PKN3: variants seen among roughly 807,000 people sequenced by gnomAD.
PKN3 encodes protein kinase N3.
A neutral mutation model predicts 113.1 loss-of-function variants in PKN3; 91 were observed. That is an observed-to-expected ratio of 0.80 (90% CI 0.68 to 0.96). The LOEUF (loss-of-function observed/expected upper bound fraction) is 0.96, where lower values mean the gene tolerates loss of function less well. Among genes scored for constraint, PKN3 ranks in the 40% least tolerant of loss-of-function variants. The probability of loss-of-function intolerance (pLI) is 0.00; values close to 1 mark genes in which losing one functional copy is unlikely to be tolerated. For synonymous variants in PKN3, 467 were observed against 499.0 expected, an observed-to-expected ratio of 0.94 and a Z score of 0.85; for missense variants, 1,052 against 1,202.2, an observed-to-expected ratio of 0.88 and a Z score of 1.85.
intron 1 of PKN3, chr9:128,704,097 C>A: frequency 1.0e-6 from 1 of 985,346 alleles, no homozygotes; most frequent in Non-Finnish European, 1.2e-6. Context: ...CGGCCCCTTC[C>A]ACTGGGCTCA....
rs547767121 is a variant in PKN3, at chr9:128,720,232, C to T, written c.2406C>T (p.Leu802=). ...KLLQKCPEKR[L]GAGEQDAEEI... ...TCCAGAAGTGCCCGGAGAAGCGCCT[C>T]GGGGCAGGTGAGCAGGATGCCGAGG... is the stretch of plus-strand genomic sequence containing the variant. The change falls in exon 21 of 22, where the codon CTC becomes CTT. Residue 802 remains leucine (L), a synonymous_variant. Coordinates refer to ENST00000291906, the MANE Select transcript of PKN3 (RefSeq NM_013355.5). The surrounding 1 kb of genome is among the most constrained non-coding windows in gnomAD (Gnocchi z 5.5). 3.1e-6 allele frequency: 5 copies of T among 1,613,886 alleles called. No homozygotes were observed. Among genetic ancestry groups the T allele is most frequent in the East Asian group, 2.2e-5 (1 of 44,872 alleles).
At chr9:128,704,803 A>G (rs1861958058) in intron 1 of PKN3, among the ~76,000 whole-genome samples, 1 of 151,978 alleles carries the variant, frequency 6.6e-6, no homozygotes, top group South Asian at 2.1e-4. Context: ...CTGTAATCCC[A>G]GCTACTCAGG....
At chr9:128,716,722 C>G (rs568154092) in intron 15 of PKN3, 25 bp from the exon 16 acceptor site, 1 of 1,606,816 alleles carries the variant, frequency 6.2e-7, no homozygotes, top group Non-Finnish European at 8.5e-7. Context: ...TTCCTTCCCT[C>G]TAATACTCTT....
intron 15 of PKN3, among the ~76,000 whole-genome samples, chr9:128,716,002 TAAA>T (rs1276218034): frequency 8.6e-6 from 1 of 115,870 alleles, no homozygotes. Context: ...AAAAACTAAT[TAAA>T]AAAAAAAAAA....
chr9:128,702,873 C>G lies in PKN3; in HGVS notation c.-43C>G. 4 of 1,429,124 alleles carry G rather than the reference C, an allele frequency of 2.8e-6. No homozygotes were observed. Among genetic ancestry groups the G allele is most frequent in the Non-Finnish European group, 3.8e-6 (4 of 1,063,410 alleles). 88.5% of individuals were successfully genotyped at this position (1,429,124 alleles called of 1,614,324 possible). A position where few individuals can be genotyped will look rare whatever the true frequency, so the allele number is the denominator to read the frequency against. Reference sequence around the variant, plus strand: ...GCGGAGGGTCTGCGGCTTCCGGGACCGGAGTGGCTGAGAGAAGGGCCCCAA... The same window carrying G: ...GCGGAGGGTCTGCGGCTTCCGGGACGGGAGTGGCTGAGAGAAGGGCCCCAA... On this transcript the variant is annotated 5_prime_UTR_variant, in exon 1 of 22. Coordinates refer to ENST00000291906, the MANE Select transcript of PKN3 (RefSeq NM_013355.5).
Position 128,705,518 on chromosome 9 carries a change from G to A in PKN3, c.240G>A (p.Leu80=), listed in dbSNP as rs1238607864. Residue 80 remains leucine (L), a synonymous_variant, in exon 2 of 22, where the codon CTG becomes CTA. Coordinates refer to ENST00000291906, the MANE Select transcript of PKN3 (RefSeq NM_013355.5). The stretch of plus-strand genomic sequence containing the variant: ...GGGAGCTGCACGCCCGAATCCTGCT[G>A]CCCGGCCCTGGGCCTGGCCCAGCTG... ...ELRELHARIL[L]PGPGPGPAEP... 2 of 1,557,048 alleles carry A rather than the reference G, an allele frequency of 1.3e-6. No individual in the cohort carries two copies. The highest frequency in any genetic ancestry group is 3.9e-5 in the Admixed American group (2 of 51,670).
chr9:128,706,560 C>G (rs989973063), intron 3 of PKN3, among the ~76,000 whole-genome samples, 153 bp from the exon 4 acceptor site: 7 of 152,206 alleles, frequency 4.6e-5, no homozygotes, highest in African/African-American at 1.7e-4. Context: ...GACCCACCAA[C>G]TAGTCCAACA....
Position 128,706,713 on chromosome 9 carries a change from G to T in PKN3, c.412G>T (p.Glu138Ter). ...ATGGGCCTGTGCTATGGCTCCATAG[G>T]AGAGGAAGCTCCTGGCAGCTGCCCA... Reference protein sequence around the residue: ...THTCASGTPKERKLLAAAQQM... With the variant: ...THTCASGTPK Residue 138 changes from glutamate (E) to a stop codon, truncating the protein, a stop_gained and splice_region_variant, in exon 4 of 22, where the codon GAG becomes TAG. Coordinates refer to ENST00000291906, the MANE Select transcript of PKN3 (RefSeq NM_013355.5). LOFTEE classifies it high-confidence loss of function. The T allele has an allele frequency of 1.3e-6, 2 of 1,566,714 alleles. No individual in the cohort carries two copies. The highest frequency in any genetic ancestry group is 2.4e-5 in the South Asian group (2 of 84,022).
intron 1 of PKN3, chr9:128,703,373 T>C: frequency 1.0e-6 from 1 of 985,340 alleles, no homozygotes; most frequent in Non-Finnish European, 1.2e-6. Flanking sequence ...TGTGCGCGCT[T>C]GGCAGTGGCA....
chr9:128,719,027 C>CT (rs887663417), intron 18 of PKN3, among the ~76,000 whole-genome samples: 1 of 151,764 alleles, frequency 6.6e-6, no homozygotes, highest in African/African-American at 2.4e-5. Context: ...GCCCAAGTAG[C>CT]TGGGACTACA....
Position 128,715,493 on chromosome 9 carries a change from G to T in PKN3, c.1808+33G>T, listed in dbSNP as rs1862313637. On this transcript the variant is annotated intron_variant, in intron 15 of 21. Coordinates refer to ENST00000291906, the MANE Select transcript of PKN3 (RefSeq NM_013355.5). This position sits in a 1 kb window ranked among gnomAD's most constrained non-coding sequence, Gnocchi z 4.1. The stretch of plus-strand genomic sequence containing the variant: ...GGGGTGCCGCAGGGCACCCAGGATG[G>T]CTGGCCTGGGCTGTGGCATCCAGAG... The T allele has an allele frequency of 6.5e-7, 1 of 1,540,154 alleles. No homozygotes were observed. Among genetic ancestry groups the T allele is most frequent in the Non-Finnish European group, 9.0e-7 (1 of 1,114,208 alleles).
At position 128,719,802 on chromosome 9, in the gene PKN3, C is replaced by A. The variant is rs751482393; in HGVS notation, c.2242C>A (p.Leu748Met). Residue 748 changes from leucine (L) to methionine (M), a missense_variant, in exon 19 of 22, where the codon CTG (leucine) becomes ATG (methionine). Physicochemically the swap from Leu to Met is conservative, Grantham distance 15. Coordinates refer to ENST00000291906, the MANE Select transcript of PKN3 (RefSeq NM_013355.5). ...RAVDWWGLGV[L>M]LYEMLVGECP... is the part of the protein sequence containing the mutation. Reference sequence around the variant, plus strand: ...TGTGGACTGGTGGGGGCTGGGTGTGCTGCTCTACGAGATGCTGGTGGGTGA... The same window carrying A: ...TGTGGACTGGTGGGGGCTGGGTGTGATGCTCTACGAGATGCTGGTGGGTGA... 1 of 1,605,866 alleles carries A rather than the reference C, an allele frequency of 6.2e-7. No homozygotes were observed. Among genetic ancestry groups the A allele is most frequent in the African/African-American group, 1.3e-5 (1 of 74,406 alleles).
intron 6 of PKN3, among the ~76,000 whole-genome samples, chr9:128,708,368 A>G (rs193030477): frequency 6.6e-6 from 1 of 152,176 alleles, no homozygotes; most frequent in Admixed American, 6.6e-5. Flanking sequence ...GTAACAGGGC[A>G]AGACTCCATC....
In PKN3 at chr9:128,720,548, G is replaced by A. The variant is rs373837557; in HGVS notation, c.2612G>A (p.Arg871His). The A allele has an allele frequency of 3.3e-5, 53 of 1,613,362 alleles. No individual in the cohort carries two copies. Among genetic ancestry groups the A allele is most frequent in the Middle Eastern group, 1.6e-4 (1 of 6,084 alleles). Residue 871 changes from arginine to histidine, a missense_variant, in exon 22 of 22, where the codon CGC becomes CAC. This residue lies in a region of PKN3 where 333 missense variants were observed against 442.8 expected (regional missense o/e 0.75). Transcript: ENST00000291906. This position sits in a 1 kb window ranked among gnomAD's most constrained non-coding sequence, Gnocchi z 5.5. ...GCACCCCACAGCCTCCTCACTGCCC[G>A]CCAACAGGCCGCCTTCCGGGACTTC... The part of the protein sequence containing the change: ...PPAPHSLLTA[R>H]QQAAFRDFDF...
rs778625869 is a variant in PKN3 at position 128,720,566 on chromosome 9, G to C, written c.2630G>C (p.Arg877Pro). The C allele has an allele frequency of 6.2e-7, 1 of 1,613,292 alleles. No individual in the cohort carries two copies. The highest frequency in any genetic ancestry group is 1.3e-5 in the African/African-American group (1 of 74,930). Residue 877 changes from arginine (R) to proline (P), a missense_variant, in exon 22 of 22, where the codon CGG becomes CCG. Arg to Pro is a moderately radical substitution (Grantham distance 103, BLOSUM62 -2). Around this residue, in one of 2 missense-constraint regions of PKN3, gnomAD observed 333 missense variants for 442.8 expected, o/e 0.75. Transcript: ENST00000291906. This position sits in a 1 kb window ranked among gnomAD's most constrained non-coding sequence, Gnocchi z 5.5. ...LLTARQQAAF[R>P]DFDFVSERFL... ...ACTGCCCGCCAACAGGCCGCCTTCC[G>C]GGACTTCGACTTTGTGTCAGAGCGA...
At chr9:128,707,513 C>G in intron 6 of PKN3, 108 bp downstream of exon 6, 1 of 904,606 alleles carries the variant, frequency 1.1e-6, no homozygotes, top group East Asian at 2.7e-5. Context: ...TGCCCCAGCA[C>G]CCACTAGCAG....
At chr9:128,704,298 G>A (rs919887126) in intron 1 of PKN3, among the ~76,000 whole-genome samples, 102 of 152,116 alleles carry the variant, frequency 6.7e-4, no homozygotes, top group African/African-American at 2.3e-3. Context: ...ACTTCCTCCC[G>A]GGAGCTGAGC....
rs1199495948 is a variant in PKN3, at chr9:128,702,885, G to T, written c.-31G>T. On this transcript the variant is annotated 5_prime_UTR_variant, in exon 1 of 22. Transcript: ENST00000291906. ...CGGCTTCCGGGACCGGAGTGGCTGA[G>T]AGAAGGGCCCCAAGCGGCCGGAGCG... 6.8e-7 allele frequency: 1 copy of T among 1,477,668 alleles called. No individual in the cohort carries two copies. The allele number at this position is 1,477,668 out of a possible 1,614,324, so 91.5% of individuals were successfully genotyped here. A position where few individuals can be genotyped will look rare whatever the true frequency, so the allele number is the denominator to read the frequency against.
Position 128,714,800 on chromosome 9 carries a change from C to T in PKN3, c.1587C>T (p.Arg529=). ...CCTGAGCTCCTCTATACTCACAGCG[C>T]ACCAAACGTCCCCATATGGAGCCTA... ...PQEPTSEETP[R]TKRPHMEPRT... is the part of the protein sequence containing the mutation. Residue 529 remains arginine, a splice_region_variant and synonymous_variant, in exon 13 of 22, where the codon CGC becomes CGT. Coordinates refer to ENST00000291906, the MANE Select transcript of PKN3 (RefSeq NM_013355.5). The T allele has an allele frequency of 6.2e-7, 1 of 1,613,842 alleles. No individual in the cohort carries two copies.
Sources: allele counts gnomAD v4.1 joint callset (sites outside exome capture counted in the v4.1 genomes callset), GRCh38; gene constraint gnomAD v4.1.1; regional missense constraint gnomAD v4.1.1; non-coding constraint Gnocchi (gnomAD v3.1); transcripts MANE v1.5; gene names NCBI Gene and HGNC (gene_info 2026-07-23, HGNC 2026-07-21).